PLPP2: variants seen among roughly 807,000 people sequenced by gnomAD.
The protein encoded by PLPP2 is PAP2-gamma.
A neutral mutation model predicts 35.2 loss-of-function variants in PLPP2; 29 were observed. That is an observed-to-expected ratio of 0.82 (90% CI 0.61 to 1.12). PLPP2 has a LOEUF of 1.12. Ranked by LOEUF, PLPP2 falls within the 50% of genes most tolerant of loss-of-function variation. PLPP2 has a pLI of 0.00. For missense variants in PLPP2, 353 were observed against 375.2 expected (o/e 0.94, Z 0.49); for synonymous variants, 162 against 167.0 (o/e 0.97, Z 0.23).
At chr19:290,969 G>A in intron 1 of PLPP2, 1 of 1,246,338 alleles carries the variant, frequency 8.0e-7, no homozygotes, top group Non-Finnish European at 1.0e-6. Flanking sequence ...GCCAGGCGGG[G>A]CGGGATGGAG....
chr19:291,192 C>T lies in PLPP2; in HGVS notation c.52+93G>A, dbSNP rs536328871. ...GGGTCCTCGGAGGGACGAGGGCGCG[C>T]AGCCTCCGCGTTCCCCTGCAAACTT... On this transcript the variant is annotated intron_variant, in intron 1 of 5. Transcript: ENST00000434325. The T allele has an allele frequency of 9.7e-5, 153 of 1,578,202 alleles. 3 individuals carry two copies. The African/African-American group carries it at 2.0e-3, about 21-fold the overall frequency.
chr19:282,361 CT>C (rs768411442), intron 4 of PLPP2, 51 bp from the exon 5 acceptor site: 3 of 1,563,396 alleles, frequency 1.9e-6, no homozygotes. Context: ...GGCGCTCCCC[CT>C]CCCCCTGCAC....
rs562937460 is a variant in PLPP2 at position 289,768 on chromosome 19, G to C, written c.52+1517C>G. Among the ~76,000 whole-genome samples, 44 of 152,254 alleles carry C rather than the reference G, an allele frequency of 2.9e-4. No homozygotes were observed. In the South Asian group the frequency reaches 8.1e-3, roughly 28 times the overall value. Reference sequence around the variant, plus strand: ...GGCAGGACGGCGGAGAGGGCGGGATGTAAGAACCTGCCTTCTGCTCCCACA... The same window carrying C: ...GGCAGGACGGCGGAGAGGGCGGGATCTAAGAACCTGCCTTCTGCTCCCACA... On this transcript the variant is annotated intron_variant, in intron 1 of 5. Transcript: ENST00000434325.
chr19:282,052 A>C, intron 5 of PLPP2, 82 bp downstream of exon 5: 50 of 1,445,944 alleles, frequency 3.5e-5, no homozygotes, highest in Non-Finnish European at 4.1e-5. Flanking sequence ...CAGTGGGGCA[A>C]GGGTACCCAG....
intron 3 of PLPP2, chr19:283,700 CG>C (rs1568201054): frequency 6.6e-6 from 1 of 152,270 alleles, no homozygotes; most frequent in Non-Finnish European, 1.5e-5. Context: ...TAAGCTCTCA[CG>C]TCTGGCCGCC....
intron 1 of PLPP2, chr19:290,954 C>T (rs758174512): frequency 1.6e-6 from 2 of 1,240,958 alleles, no homozygotes; most frequent in Admixed American, 4.2e-5. Flanking sequence ...TGACTCACCT[C>T]CCAGGCCAGG....
chr19:287,220 A>C lies in PLPP2; in HGVS notation c.482+254T>G. 1 of 442,882 alleles carries C rather than the reference A, an allele frequency of 2.3e-6. No individual in the cohort carries two copies. The highest frequency in any genetic ancestry group is 4.0e-6 in the Non-Finnish European group (1 of 249,754). 27.4% of individuals were successfully genotyped at this position (442,882 alleles called of 1,614,324 possible). A position where few individuals can be genotyped will look rare whatever the true frequency, so the allele number is the denominator to read the frequency against. On this transcript the variant is annotated intron_variant, in intron 3 of 5. Transcript: ENST00000434325. This position sits in a 1 kb window ranked among gnomAD's most constrained non-coding sequence, Gnocchi z 4.3. ...ATGATGAAATGGTCAATCTTTCAAA[A>C]ATATATAACAATTACAAAGGTAAAT...
rs989309527 is a variant in PLPP2 at position 281,045 on chromosome 19, T to G, written c.*343A>C. ...AAGGAACAGAAGCACTGAGACCGTT[T>G]GTGAAACAGGTGCCCTATTTTACTA... On this transcript the variant is annotated 3_prime_UTR_variant, in exon 6 of 6. Coordinates refer to ENST00000434325, the MANE Select transcript of PLPP2 (RefSeq NM_003712.4). 1 of 180,204 alleles carries G rather than the reference T, an allele frequency of 5.5e-6. No individual in the cohort carries two copies. The highest frequency in any genetic ancestry group is 2.3e-5 in the African/African-American group (1 of 42,698). The allele number at this position is 180,204 out of a possible 1,614,324, so 11.2% of individuals were successfully genotyped here.
chr19:283,237 T>C (rs145299891), intron 3 of PLPP2: 62 of 160,620 alleles, frequency 3.9e-4, no homozygotes, highest in Middle Eastern at 3.1e-3. Flanking sequence ...TTTTTAAAAA[T>C]GGCAAAAAAG....
chr19:282,643 C>G (rs577940609), intron 4 of PLPP2, 109 bp downstream of exon 4: 3 of 1,215,460 alleles, frequency 2.5e-6, no homozygotes, highest in Non-Finnish European at 3.5e-6. Context: ...GTTAGCCCCC[C>G]TCACCACCAC....
rs1161797087 is a variant in PLPP2, at chr19:288,035, C to T, written c.189G>A (p.Thr63=). The change falls in exon 2 of 6, where the codon ACG becomes ACA. Residue 63 remains threonine, a synonymous_variant. Transcript: ENST00000434325. Reference sequence around the variant, plus strand: ...CCTGCCTTACAAGGATGACGGTGGCCGTGATGGTGACCCCAGCCATGAGCC... The same window carrying T: ...CCTGCCTTACAAGGATGACGGTGGCTGTGATGGTGACCCCAGCCATGAGCC... ...THGLMAGVTI[T]ATVILVSAGE... is the part of the protein sequence containing the mutation. 5.6e-6 allele frequency: 9 copies of T among 1,613,692 alleles called. No individual in the cohort carries two copies. Among genetic ancestry groups the T allele is most frequent in the East Asian group, 2.2e-5 (1 of 44,872 alleles).
At position 281,650 on chromosome 19, in the gene PLPP2, T is replaced by G. The variant is rs568176099; in HGVS notation, c.718-113A>C. 1.2e-5 allele frequency: 12 copies of G among 1,033,542 alleles called. 1 individual carries two copies. In the South Asian group the frequency reaches 2.2e-4, roughly 19 times the overall value. 64.0% of individuals were successfully genotyped at this position (1,033,542 alleles called of 1,614,324 possible). A position where few individuals can be genotyped will look rare whatever the true frequency, so the allele number is the denominator to read the frequency against. ...CCCAGGTGGGAGCGAGGGGCCTAGG[T>G]GGGAAATGAGAGGAGTAGTGCCTGG... On this transcript the variant is annotated intron_variant, in intron 5 of 5. Transcript: ENST00000434325.
rs1423165337 is a variant in PLPP2, at chr19:291,384, C to G, written c.-48G>C. ...GGTCCCAGCGCGTCCCGTCGCGTCC[C>G]GGCCCGGCCGCGGAGTCACGTGGCG... On this transcript the variant is annotated 5_prime_UTR_variant, in exon 1 of 6. Coordinates refer to ENST00000434325, the MANE Select transcript of PLPP2 (RefSeq NM_003712.4). The G allele has an allele frequency of 6.5e-7, 1 of 1,536,076 alleles. No individual in the cohort carries two copies. Among genetic ancestry groups the G allele is most frequent in the African/African-American group, 1.5e-5 (1 of 65,736 alleles).
intron 3 of PLPP2, chr19:286,704 G>C (rs1215482808): frequency 6.6e-6 from 1 of 151,792 alleles, no homozygotes; most frequent in African/African-American, 2.4e-5. Flanking sequence ...GCATACACCT[G>C]TAATCCCAGC....
chr19:281,540 G>A lies in PLPP2; in HGVS notation c.718-3C>T, dbSNP rs1345529402. 1.3e-6 allele frequency: 2 copies of A among 1,483,464 alleles called. No homozygotes were observed. The highest frequency in any genetic ancestry group is 1.5e-5 in the South Asian group (1 of 68,828). 91.9% of individuals were successfully genotyped at this position (1,483,464 alleles called of 1,614,324 possible). The stretch of plus-strand genomic sequence containing the variant: ...AAGAAGTCTGAGATGTAGCAGACCT[G>A]GTAGAGCAGAGGGTGGTGAGAATGG... On this transcript the variant is annotated splice_polypyrimidine_tract_variant and splice_region_variant and intron_variant, in intron 5 of 5. Coordinates refer to ENST00000434325, the MANE Select transcript of PLPP2 (RefSeq NM_003712.4).
intron 3 of PLPP2, chr19:285,408 G>A (rs1970254481): frequency 6.6e-6 from 1 of 152,010 alleles, no homozygotes; most frequent in South Asian, 2.1e-4. Context: ...TCCAGCCTGG[G>A]GGACAAGAGA....
intron 5 of PLPP2, 31 bp from the exon 6 acceptor site, chr19:281,568 AG>A: frequency 1.4e-6 from 2 of 1,445,680 alleles, no homozygotes; most frequent in Non-Finnish European, 9.2e-7. Flanking sequence ...GAGAATGGGC[AG>A]GGGGCTGTCC....
At chr19:281,841 G>A (rs1170840238) in intron 5 of PLPP2, 14 of 377,764 alleles carry the variant, frequency 3.7e-5, no homozygotes, top group East Asian at 2.1e-4. Context: ...ATGGAGGGGG[G>A]TCCAGGGAAG....
chr19:291,346 G>C lies in PLPP2; in HGVS notation c.-10C>G. 2 of 1,588,440 alleles carry C rather than the reference G, an allele frequency of 1.3e-6. No individual in the cohort carries two copies. Among genetic ancestry groups the C allele is most frequent in the African/African-American group, 1.4e-5 (1 of 70,326 alleles). On this transcript the variant is annotated 5_prime_UTR_variant, in exon 1 of 6. Coordinates refer to ENST00000434325, the MANE Select transcript of PLPP2 (RefSeq NM_003712.4). ...CCCACCTCCGCTGCATGGTCCCCGC[G>C]ACCCCCGACGCCGGTCCCAGCGCGT...
Sources: gnomAD v4.1 joint callset for allele counts (sites outside exome capture counted in the v4.1 genomes callset) on GRCh38, gnomAD v4.1.1 for gene constraint, Gnocchi (gnomAD v3.1) non-coding constraint, MANE v1.5 for transcripts, NCBI Gene and HGNC (gene_info 2026-07-23, HGNC 2026-07-21) for gene names.